The following FGFR1OP2 variants were observed in gnomAD, a reference collection of about 807,000 sequenced individuals.
FGFR1OP2 encodes the protein FGFR1 oncogene partner 2.
In FGFR1OP2, 17 loss-of-function variants were observed where a neutral mutation model predicts 35.2. The observed-to-expected ratio is 0.48, with a 90% CI of 0.33 to 0.73. FGFR1OP2 has a LOEUF of 0.73. FGFR1OP2 is among the 30% of genes least tolerant of loss of function. The pLI is 0.02. For missense variants in FGFR1OP2, 251 were observed against 307.3 expected (o/e 0.82, Z 1.37); for synonymous variants, 105 against 104.6 (o/e 1.00, Z -0.03).
rs77320563 is a variant in FGFR1OP2 at position 26,956,941 on chromosome 12, A to G, written c.253+281A>G. ...ATTCCAGTCTCTCTTCCCCCTTCCA[A>G]TCTGTCTTCAACATAACCATCAGAT... is the stretch of plus-strand genomic sequence containing the variant. On this transcript the variant is annotated intron_variant, in intron 3 of 6. Coordinates refer to ENST00000229395, the MANE Select transcript of FGFR1OP2 (RefSeq NM_015633.3). Among the ~76,000 whole-genome samples, 15 of 152,222 alleles carry G rather than the reference A, an allele frequency of 9.9e-5. No individual in the cohort carries two copies. In the East Asian group the frequency reaches 1.7e-3, roughly 18 times the overall value.
rs1174799685 is a variant in FGFR1OP2, at chr12:26,950,213, G to GTTTTTTTTTTTTTTTTTTTTTTTTTT, written c.-14-3931_-14-3906dup. Reference sequence around the variant, plus strand: ...CCATCAAGTAGTTAATGTATTCGTTGTTTTTTTTTTTTTTTTTTTTTTTTT... The same window carrying GTTTTTTTTTTTTTTTTTTTTTTTTTT: ...CCATCAAGTAGTTAATGTATTCGTTGTTTTTTTTTTTTTTTTTTTTTTTTTTTTTTTTTTTTTTTTTTTTTTTTTTT... On this transcript the variant is annotated intron_variant, in intron 1 of 6. Coordinates refer to ENST00000229395, the MANE Select transcript of FGFR1OP2 (RefSeq NM_015633.3). Among the ~76,000 whole-genome samples, 11 of 50,942 alleles carry GTTTTTTTTTTTTTTTTTTTTTTTTTT rather than the reference G, an allele frequency of 2.2e-4. 5 individuals carry two copies. The highest frequency in any genetic ancestry group is 5.7e-4 in the African/African-American group (7 of 12,378). The allele number at this position is 50,942 out of a possible 152,430, so 33.4% of individuals were successfully genotyped here.
chr12:26,946,504 G>A (rs889350088), intron 1 of FGFR1OP2, among the ~76,000 whole-genome samples: 1 of 152,160 alleles, frequency 6.6e-6, no homozygotes, highest in African/African-American at 2.4e-5. Flanking sequence ...TAGAGGTGGG[G>A]TTTGGCCATG....
intron 1 of FGFR1OP2, among the ~76,000 whole-genome samples, chr12:26,946,622 T>C (rs916861033): frequency 6.6e-6 from 1 of 152,096 alleles, no homozygotes; most frequent in African/African-American, 2.4e-5. Flanking sequence ...TTGTCTGATA[T>C]TATATAGCCA....
intron 1 of FGFR1OP2, among the ~76,000 whole-genome samples, chr12:26,948,934 C>T (rs1938871720): frequency 6.6e-6 from 1 of 152,100 alleles, no homozygotes; most frequent in African/African-American, 2.4e-5. Context: ...CTCAGCTACT[C>T]AGGAGACTGA....
rs370809370 is a variant in FGFR1OP2 at position 26,947,018 on chromosome 12, CT to C, written c.-14-7115del. Among the ~76,000 whole-genome samples, 657 of 145,424 alleles carry C rather than the reference CT, an allele frequency of 4.5e-3. 2 individuals are homozygous for C. The highest frequency in any genetic ancestry group is 0.012 in the African/African-American group (463 of 39,992). ...TGTTTCAGGGCATCATTCCCCCCTA[CT>C]TTTTTTTTTTTGCCAGATATTCCAC... On this transcript the variant is annotated intron_variant, in intron 1 of 6. Coordinates refer to ENST00000229395, the MANE Select transcript of FGFR1OP2 (RefSeq NM_015633.3).
chr12:26,960,751 A>G, intron 5 of FGFR1OP2, 123 bp downstream of exon 5: 3 of 1,397,770 alleles, frequency 2.1e-6, no homozygotes, highest in Non-Finnish European at 1.9e-6. Context: ...TATTAAAAGA[A>G]TGTTGTGTCT....
In FGFR1OP2 at chr12:26,940,264, C is replaced by A. The variant is rs548029439; in HGVS notation, c.-15+1554C>A. On this transcript the variant is annotated intron_variant, in intron 1 of 6. Coordinates refer to ENST00000229395, the MANE Select transcript of FGFR1OP2 (RefSeq NM_015633.3). The stretch of plus-strand genomic sequence containing the variant: ...TATGTATGTGAAACTTATATTCAGC[C>A]ACAATTCTAAGGGAACGTGTAATTT... Among the ~76,000 whole-genome samples the A allele has an allele frequency of 6.6e-5, 10 of 152,272 alleles. No homozygotes were observed. In the South Asian group the frequency reaches 2.1e-3, roughly 32 times the overall value.
At chr12:26,953,969 G>T (rs1364953871) in intron 1 of FGFR1OP2, among the ~76,000 whole-genome samples, 176 bp from the exon 2 acceptor site, 1 of 152,110 alleles carries the variant, frequency 6.6e-6, no homozygotes, top group East Asian at 1.9e-4. Context: ...TTACTTTCAA[G>T]TTTGTAGTAT....
intron 1 of FGFR1OP2, among the ~76,000 whole-genome samples, chr12:26,946,729 A>G (rs1592247448): frequency 6.6e-6 from 1 of 152,228 alleles, no homozygotes; most frequent in African/African-American, 2.4e-5. Context: ...TAGGGTTTTC[A>G]GTATATTCAG....
chr12:26,957,553 T>C (rs1939041093), intron 3 of FGFR1OP2, 48 bp from the exon 4 acceptor site: 1 of 1,538,266 alleles, frequency 6.5e-7, no homozygotes, highest in Non-Finnish European at 8.8e-7. Context: ...GAATATTTTG[T>C]GTACTTTTAA....
intron 2 of FGFR1OP2, among the ~76,000 whole-genome samples, chr12:26,955,703 GTGCTTATCCATTCA>G (rs1192016211): frequency 6.6e-6 from 1 of 152,176 alleles, no homozygotes; most frequent in Non-Finnish European, 1.5e-5. Flanking sequence ...ACAGCACATT[GTGCTTATCCATTCA>G]TCAGCTGATA....
intron 1 of FGFR1OP2, among the ~76,000 whole-genome samples, chr12:26,946,244 G>T (rs1938820225): frequency 6.6e-6 from 1 of 151,996 alleles, no homozygotes; most frequent in Non-Finnish European, 1.5e-5. Context: ...TGGTGATTGG[G>T]CATTTTATCA....
intron 1 of FGFR1OP2, among the ~76,000 whole-genome samples, chr12:26,952,143 A>T (rs993546092): frequency 6.8e-6 from 1 of 146,094 alleles, no homozygotes; most frequent in Non-Finnish European, 1.5e-5. Flanking sequence ...AAGTTTACTC[A>T]GAAGGATCCG....
In FGFR1OP2 at chr12:26,960,571, C is replaced by T. The variant is rs777120483; in HGVS notation, c.453C>T (p.His151=). 3 of 1,613,670 alleles carry T rather than the reference C, an allele frequency of 1.9e-6. No homozygotes were observed. Among genetic ancestry groups the T allele is most frequent in the Non-Finnish European group, 2.5e-6 (3 of 1,179,770 alleles). Reference sequence around the variant, plus strand: ...GATTCTTCCTTGATGCATCTCGACACATCCTTGAAGCACCTCAACATGGAC... The same window carrying T: ...GATTCTTCCTTGATGCATCTCGACATATCCTTGAAGCACCTCAACATGGAC... ...SEGFFLDASR[H]ILEAPQHGLE... is the part of the protein sequence containing the mutation. The change falls in exon 5 of 7, where the codon CAC becomes CAT. Residue 151 remains histidine, a synonymous_variant. Coordinates refer to ENST00000229395, the MANE Select transcript of FGFR1OP2 (RefSeq NM_015633.3).
At chr12:26,942,539 G>A (rs1047130764) in intron 1 of FGFR1OP2, among the ~76,000 whole-genome samples, 1 of 152,194 alleles carries the variant, frequency 6.6e-6, no homozygotes, top group African/African-American at 2.4e-5. Flanking sequence ...TAGAGAGAAG[G>A]CAAATAGGTG....
chr12:26,950,210 G>GTTTTTTTTTT (rs1555211390), intron 1 of FGFR1OP2, among the ~76,000 whole-genome samples: 1 of 29,744 alleles, frequency 3.4e-5, no homozygotes, highest in Non-Finnish European at 5.7e-5. Flanking sequence ...TAATGTATTC[G>GTTTTTTTTTT]TTGTTTTTTT....
intron 1 of FGFR1OP2, among the ~76,000 whole-genome samples, chr12:26,945,594 C>T (rs1938807028): frequency 6.6e-6 from 1 of 152,200 alleles, no homozygotes; most frequent in South Asian, 2.1e-4. Context: ...GGCGTGGTGG[C>T]TCACGCCTGT....
chr12:26,951,355 TGTTGCCCAGGCTGTA>T (rs1938926191), intron 1 of FGFR1OP2, among the ~76,000 whole-genome samples: 1 of 152,114 alleles, frequency 6.6e-6, no homozygotes, highest in African/African-American at 2.4e-5. Flanking sequence ...TGAGACAGCC[TGTTGCCCAGGCTGTA>T]GTGCAGTGGT....
chr12:26,940,627 A>C (rs2136345655), intron 1 of FGFR1OP2, among the ~76,000 whole-genome samples: 1 of 152,342 alleles, frequency 6.6e-6, no homozygotes, highest in South Asian at 2.1e-4. Flanking sequence ...AAAAATTTAA[A>C]CTAGATTGTT....
Sources: allele counts gnomAD v4.1 joint callset (sites outside exome capture counted in the v4.1 genomes callset), GRCh38; gene constraint gnomAD v4.1.1; transcripts MANE v1.5; gene names NCBI Gene and HGNC (gene_info 2026-07-23, HGNC 2026-07-21).